Variants in ARHGEF18 observed in about 807,000 individuals in gnomAD.
ARHGEF18 encodes Rho/Rac guanine nucleotide exchange factor 18.
A neutral mutation model predicts 155.7 loss-of-function variants in ARHGEF18; 93 were observed. The observed-to-expected ratio is 0.60, with a 90% CI of 0.50 to 0.71. ARHGEF18 has a LOEUF of 0.71. Among genes scored for constraint, ARHGEF18 ranks in the 30% least tolerant of loss-of-function variants. ARHGEF18 has a pLI of 0.00. For missense variants in ARHGEF18, 1,593 were observed against 1,816.1 expected (o/e 0.88, Z 2.23); for synonymous variants, 742 against 753.1 (o/e 0.99, Z 0.24).
At chr19:7,363,348 GAATA>G (rs1362527956) in intron 2 of ARHGEF18, among the ~76,000 whole-genome samples, 6 of 151,886 alleles carry the variant, frequency 4.0e-5, no homozygotes, top group Non-Finnish European at 7.4e-5. Context: ...GATGATGGGT[GAATA>G]AAAAGAAGAA....
At chr19:7,477,249 A>G (rs1029978949), downstream of ARHGEF18, 2 of 1,573,032 alleles carry the variant, frequency 1.3e-6, no homozygotes, top group African/African-American at 2.7e-5. Flanking sequence ...GCCGCCTGGT[A>G]CATGCTGAGG....
intron 10 of ARHGEF18, among the ~76,000 whole-genome samples, chr19:7,438,062 C>T (rs1165057997): frequency 2.3e-5 from 2 of 87,750 alleles, no homozygotes; most frequent in Non-Finnish European, 4.3e-5. Flanking sequence ...TCTCTCTTCT[C>T]TTCTCCCCTC....
In ARHGEF18 at chr19:7,387,615, G is replaced by C. The variant is rs575550794; in HGVS notation, c.967+4412G>C. On this transcript the variant is annotated intron_variant, in intron 10 of 28. Transcript: ENST00000668164. ...GTCTGCAAATAAGGTTTTGTGGCAG[G>C]ACAGCTCGCCTGTTCATTTATGTAT... Among the ~76,000 whole-genome samples, 3 of 152,198 alleles carry C rather than the reference G, an allele frequency of 2.0e-5. No individual in the cohort carries two copies. In the East Asian group the frequency reaches 5.8e-4, roughly 29 times the overall value.
intron 1 of ARHGEF18, among the ~76,000 whole-genome samples, chr19:7,361,653 G>A (rs969503179): frequency 2.6e-5 from 4 of 152,094 alleles, no homozygotes; most frequent in Non-Finnish European, 5.9e-5. Context: ...ATGGATACAC[G>A]AAATGTGGTA....
intron 10 of ARHGEF18, among the ~76,000 whole-genome samples, chr19:7,420,796 CT>C (rs1304928330): frequency 1.3e-5 from 2 of 152,174 alleles, no homozygotes; most frequent in Non-Finnish European, 2.9e-5. Context: ...GCAGGTGGCC[CT>C]GCCCTGAGTC....
In ARHGEF18 at chr19:7,427,148, G is replaced by A. The variant is rs574455586; in HGVS notation, c.968-13196G>A. Among the ~76,000 whole-genome samples the A allele has an allele frequency of 7.2e-5, 11 of 152,300 alleles. No individual in the cohort carries two copies. In the East Asian group the frequency reaches 1.3e-3, roughly 19 times the overall value. ...GCTGTCGCAGAACCTGCCAGGAAAGGCGCACACAGGATGTTTTAGGGCCCA... is the reference window on the plus strand; with the variant it reads ...GCTGTCGCAGAACCTGCCAGGAAAGACGCACACAGGATGTTTTAGGGCCCA... On this transcript the variant is annotated intron_variant, in intron 10 of 28. Coordinates refer to ENST00000668164, the MANE Select transcript of ARHGEF18 (RefSeq NM_001367823.1).
At position 7,379,236 on chromosome 19, in the gene ARHGEF18, T is replaced by A. The variant is rs1970609735; in HGVS notation, c.644+70T>A. On this transcript the variant is annotated intron_variant, in intron 7 of 28. Coordinates refer to ENST00000668164, the MANE Select transcript of ARHGEF18 (RefSeq NM_001367823.1). ...CAAAAGCAGGAAGCATGCAGGGGTGTGCACAGGTGTAGGAGACAGGGGTAG... is the reference window on the plus strand; with the variant it reads ...CAAAAGCAGGAAGCATGCAGGGGTGAGCACAGGTGTAGGAGACAGGGGTAG... 4.2e-6 allele frequency: 5 copies of A among 1,202,888 alleles called. No homozygotes were observed. In the Admixed American group the frequency reaches 2.1e-4, roughly 51 times the overall value. The allele number at this position is 1,202,888 out of a possible 1,614,324, so 74.5% of individuals were successfully genotyped here. A position where few individuals can be genotyped will look rare whatever the true frequency, so the allele number is the denominator to read the frequency against.
At chr19:7,412,945 A>G (rs1972781750) in intron 10 of ARHGEF18, among the ~76,000 whole-genome samples, 1 of 151,436 alleles carries the variant, frequency 6.6e-6, no homozygotes. Flanking sequence ...TTTATTGTTG[A>G]GTTGGAGGAG....
chr19:7,461,039 G>A (rs966006252), intron 20 of ARHGEF18, among the ~76,000 whole-genome samples: 1 of 151,554 alleles, frequency 6.6e-6, no homozygotes, highest in Admixed American at 6.6e-5. Flanking sequence ...TGCCTGCCTC[G>A]GCCTCCCAAA....
In ARHGEF18 at chr19:7,464,577, A is replaced by C. The variant is rs761987900; in HGVS notation, c.2791A>C (p.Lys931Gln). 6 of 1,611,238 alleles carry C rather than the reference A, an allele frequency of 3.7e-6. No homozygotes were observed. In the African/African-American group the frequency reaches 8.0e-5, roughly 22 times the overall value. ...SPTKNGSFKK[K>Q]VSSTDPRPRD... ...GTTCTCAGATGGCAGTTTCAAGAAG[A>C]AAGTCAGCAGCACTGACCCCAGGCC... Residue 931 changes from lysine (K) to glutamine (Q), a missense_variant, in exon 23 of 29, where the codon AAA becomes CAA. Physicochemically the swap from Lys to Gln is moderately conservative, Grantham distance 53. Coordinates refer to ENST00000668164, the MANE Select transcript of ARHGEF18 (RefSeq NM_001367823.1).
intron 26 of ARHGEF18, 87 bp downstream of exon 26, chr19:7,467,771 G>A (rs1304300147): frequency 2.7e-5 from 35 of 1,296,350 alleles, no homozygotes; most frequent in Non-Finnish European, 3.5e-5. Flanking sequence ...GACAGGGTTC[G>A]CGGGTGCATG....
chr19:7,426,031 T>A (rs1447144493), intron 10 of ARHGEF18, among the ~76,000 whole-genome samples: 2 of 151,202 alleles, frequency 1.3e-5, no homozygotes, highest in East Asian at 3.9e-4. Context: ...AATAGGAAAT[T>A]AGCCAGGCTT....
chr19:7,422,359 C>A (rs907891291), intron 10 of ARHGEF18, among the ~76,000 whole-genome samples: 2 of 151,904 alleles, frequency 1.3e-5, no homozygotes, highest in African/African-American at 2.4e-5. Context: ...CCCATGCCCC[C>A]CCGCCCCGCG....
intron 26 of ARHGEF18, 108 bp downstream of exon 26, chr19:7,467,792 T>C: frequency 8.8e-7 from 1 of 1,140,858 alleles, no homozygotes; most frequent in Non-Finnish European, 1.2e-6. Context: ...CGTGCAGGAG[T>C]GTAAGAGCAA....
Position 7,372,803 on chromosome 19 carries a change from A to G in ARHGEF18, c.16-9A>G. 8.1e-7 allele frequency: 1 copy of G among 1,234,458 alleles called. No homozygotes were observed. The highest frequency in any genetic ancestry group is 1.0e-6 in the Non-Finnish European group (1 of 988,252). The allele number at this position is 1,234,458 out of a possible 1,614,324, so 76.5% of individuals were successfully genotyped here. On this transcript the variant is annotated splice_polypyrimidine_tract_variant and intron_variant, in intron 2 of 28. Transcript: ENST00000668164. Reference sequence around the variant, plus strand: ...TCTTCTTCTCCCTCCTCACCTTCCCAACCTACAGGAGGATGATTTTCCCAG... The same window carrying G: ...TCTTCTTCTCCCTCCTCACCTTCCCGACCTACAGGAGGATGATTTTCCCAG...
At chr19:7,381,085 G>GGGGTCT in intron 8 of ARHGEF18, 91 bp downstream of exon 8, 3 of 1,038,732 alleles carry the variant, frequency 2.9e-6, no homozygotes, top group Middle Eastern at 3.5e-4. Context: ...CCCATGCTGG[G>GGGGTCT]GGCAGGAGCT....
chr19:7,368,014 G>GAA (rs1568270693), intron 2 of ARHGEF18, among the ~76,000 whole-genome samples: 19 of 133,002 alleles, frequency 1.4e-4, no homozygotes, highest in African/African-American at 4.2e-4. Flanking sequence ...AGGGAGGGAG[G>GAA]GAGGGCGGAA....
rs2145769741 is a variant in ARHGEF18 at position 7,439,994 on chromosome 19, T to C, written c.968-350T>C. On this transcript the variant is annotated intron_variant, in intron 10 of 28. Transcript: ENST00000668164. The stretch of plus-strand genomic sequence containing the variant: ...CCTCCAGACCCGCTGCTTCAGCCAA[T>C]ACAGCAAGGGAAGACGCAGCTCTGT... 4 of 1,548,840 alleles carry C rather than the reference T, an allele frequency of 2.6e-6. No individual in the cohort carries two copies. The South Asian group carries it at 3.6e-5, about 14-fold the overall frequency.
At chr19:7,362,056 AAGGAGAAGG>A (rs1969602637) in intron 1 of ARHGEF18, among the ~76,000 whole-genome samples, 1 of 37,358 alleles carries the variant, frequency 2.7e-5, no homozygotes, top group African/African-American at 2.0e-4. Context: ...GGAGAAGGAG[AAGGAGAAGG>A]AGAAGGAGAA....
Sources: gnomAD v4.1 joint callset for allele counts (sites outside exome capture counted in the v4.1 genomes callset) on GRCh38, gnomAD v4.1.1 for gene constraint, MANE v1.5 for transcripts, NCBI Gene and HGNC (gene_info 2026-07-23, HGNC 2026-07-21) for gene names.